NCAPG: variants seen among roughly 807,000 people sequenced by gnomAD.
NCAPG encodes condensin complex subunit 3.
Under a neutral mutation model 113.1 loss-of-function variants are expected in NCAPG, and 69 were observed. The observed-to-expected ratio is 0.61, with a 90% CI of 0.50 to 0.75. NCAPG has a LOEUF of 0.75. Among genes scored for constraint, NCAPG ranks in the 30% least tolerant of loss-of-function variants. The pLI, the probability that NCAPG is intolerant of heterozygous loss-of-function variation, is 0.00. For synonymous variants in NCAPG, 370 were observed against 415.8 expected, an observed-to-expected ratio of 0.89 and a Z score of 1.34; for missense variants, 1,058 against 1,177.0, an observed-to-expected ratio of 0.90 and a Z score of 1.48.
Position 17,843,427 on chromosome 4 carries a change from A to G in NCAPG, c.*2A>G, listed in dbSNP as rs1722624161. ...TTTCTCAATGAAGATCTAAGTTAGG[A>G]AAGACGATGGAGGTGGAATCCTTTA... On this transcript the variant is annotated 3_prime_UTR_variant, in exon 21 of 21. Transcript: ENST00000251496. The G allele has an allele frequency of 1.2e-6, 2 of 1,610,708 alleles. No homozygotes were observed. The highest frequency in any genetic ancestry group is 2.7e-5 in the African/African-American group (2 of 74,802).
intron 12 of NCAPG, among the ~76,000 whole-genome samples, chr4:17,830,486 T>C (rs1721821385): frequency 6.6e-6 from 1 of 151,838 alleles, no homozygotes; most frequent in Non-Finnish European, 1.5e-5. Context: ...ATAGTATTTA[T>C]ATTGATTAAA....
intron 11 of NCAPG, 25 bp from the exon 12 acceptor site, chr4:17,828,253 G>A (rs1721730880): frequency 6.5e-7 from 1 of 1,528,534 alleles, no homozygotes; most frequent in African/African-American, 1.4e-5. Flanking sequence ...TATTACTAAT[G>A]CTGAATATTT....
At chr4:17,843,173 T>TAAGTC (rs1553852350) in intron 20 of NCAPG, 129 bp from the exon 21 acceptor site, 1 of 1,001,870 alleles carries the variant, frequency 1.0e-6, no homozygotes, top group Non-Finnish European at 1.4e-6. Context: ...AGTTTTAAGC[T>TAAGTC]AAGTCAATGG....
chr4:17,817,141 G>T (rs1721243528), intron 5 of NCAPG, 120 bp from the exon 6 acceptor site: 1 of 674,918 alleles, frequency 1.5e-6, no homozygotes. Context: ...GCTTAGTTGT[G>T]CCTCTTAACC....
chr4:17,837,048 C>A, intron 14 of NCAPG, 111 bp from the exon 15 acceptor site: 2 of 862,600 alleles, frequency 2.3e-6, no homozygotes, highest in Non-Finnish European at 3.5e-6. Context: ...TTTGTAATAA[C>A]TCGAATGGTT....
rs1235162737 is a variant in NCAPG, at chr4:17,815,183, G to C, written c.691-91G>C. On this transcript the variant is annotated intron_variant, in intron 4 of 20. Coordinates refer to ENST00000251496, the MANE Select transcript of NCAPG (RefSeq NM_022346.5). ...TTACCAGGTATTAATTTCTTTTGGA[G>C]ATTCTGGGTAATTTTCTAAGATGGT... is the stretch of plus-strand genomic sequence containing the variant. The C allele has an allele frequency of 1.7e-5, 22 of 1,309,002 alleles. No individual in the cohort carries two copies. In the Admixed American group the frequency reaches 2.1e-4, roughly 13 times the overall value. 81.1% of individuals were successfully genotyped at this position (1,309,002 alleles called of 1,614,324 possible). A position where few individuals can be genotyped will look rare whatever the true frequency, so the allele number is the denominator to read the frequency against.
At chr4:17,832,006 G>C (rs1721886269) in intron 13 of NCAPG, among the ~76,000 whole-genome samples, 1 of 152,098 alleles carries the variant, frequency 6.6e-6, no homozygotes, top group Non-Finnish European at 1.5e-5. Flanking sequence ...GAACTCCTCA[G>C]CTTTGCTTTT....
chr4:17,817,262 T>C lies in NCAPG; in HGVS notation c.777T>C (p.Asp259=), dbSNP rs2302212. The change falls in exon 6 of 21, where the codon GAT becomes GAC. Residue 259 remains aspartate, a splice_region_variant and synonymous_variant. Coordinates refer to ENST00000251496, the MANE Select transcript of NCAPG (RefSeq NM_022346.5). ...LLQQGLNDRS[D]AVKQAMQKHL... ...CCTATGTTTCAAATGACTCAATAGA[T>C]GCTGTGAAACAAGCTATGCAGAAGC... 863,273 of 1,608,486 alleles carry C rather than the reference T, an allele frequency of 0.54. 241,327 individuals are homozygous for C. The highest frequency in any genetic ancestry group is 0.62 in the Middle Eastern group (3,741 of 6,040).
intron 11 of NCAPG, among the ~76,000 whole-genome samples, chr4:17,827,067 C>G (rs1721682182): frequency 6.6e-6 from 1 of 152,186 alleles, no homozygotes; most frequent in African/African-American, 2.4e-5. Flanking sequence ...TCACTCTGTG[C>G]TGTCTCTCCT....
intron 9 of NCAPG, 103 bp from the exon 10 acceptor site, chr4:17,824,865 T>G: frequency 1.5e-6 from 1 of 681,902 alleles, no homozygotes; most frequent in South Asian, 2.4e-5. Flanking sequence ...TTTTGCTCCA[T>G]TATTCAATAT....
At chr4:17,812,134 G>C (rs1721002713) in intron 1 of NCAPG, 87 bp from the exon 2 acceptor site, 5 of 947,054 alleles carry the variant, frequency 5.3e-6, no homozygotes, top group Non-Finnish European at 8.1e-6. Flanking sequence ...CATTATTATG[G>C]CTAGTGCTTT....
At chr4:17,815,114 G>A in intron 4 of NCAPG, 116 bp downstream of exon 4, 1 of 1,373,380 alleles carries the variant, frequency 7.3e-7, no homozygotes, top group Non-Finnish European at 1.0e-6. Flanking sequence ...AGGTTTTATG[G>A]AGAACACAGG....
chr4:17,839,995 T>G (rs1722280518), intron 17 of NCAPG, 76 bp from the exon 18 acceptor site: 3 of 1,506,946 alleles, frequency 2.0e-6, no homozygotes, highest in Non-Finnish European at 2.7e-6. Context: ...TTAAACAACT[T>G]GATATGTATT....
chr4:17,837,490 C>G lies in NCAPG; in HGVS notation c.2292-137C>G. ...ATGACAAGAACGATACAGATTTTAT[C>G]TATCTGAATTTTTGGCTCTTTCCTA... On this transcript the variant is annotated intron_variant, in intron 15 of 20. Transcript: ENST00000251496. 5.6e-6 allele frequency: 7 copies of G among 1,239,674 alleles called. No individual in the cohort carries two copies. The South Asian group carries it at 6.0e-5, about 11-fold the overall frequency. The allele number at this position is 1,239,674 out of a possible 1,614,324, so 76.8% of individuals were successfully genotyped here.
chr4:17,832,922 T>C (rs889941108), intron 13 of NCAPG, among the ~76,000 whole-genome samples: 1 of 152,202 alleles, frequency 6.6e-6, no homozygotes, highest in African/African-American at 2.4e-5. Flanking sequence ...GGATTTATAA[T>C]GGACCATTTC....
intron 1 of NCAPG, 51 bp from the exon 2 acceptor site, chr4:17,812,170 A>G (rs1471069874): frequency 7.2e-7 from 1 of 1,392,380 alleles, no homozygotes; most frequent in Non-Finnish European, 1.0e-6. Context: ...GATGTTGGGA[A>G]TAAAGGATTT....
intron 10 of NCAPG, 39 bp downstream of exon 10, chr4:17,825,096 T>C: frequency 3.4e-6 from 5 of 1,461,262 alleles, no homozygotes; most frequent in Non-Finnish European, 3.8e-6. Flanking sequence ...TTGAGTGTAA[T>C]GTAGCTGGGC....
chr4:17,841,650 C>T (rs1722418221), intron 19 of NCAPG: 1 of 151,668 alleles, frequency 6.6e-6, no homozygotes, highest in Admixed American at 6.6e-5. Flanking sequence ...TTTAATAGAC[C>T]AAACTTCATA....
chr4:17,824,831 T>C, intron 9 of NCAPG, 137 bp from the exon 10 acceptor site: 1 of 515,486 alleles, frequency 1.9e-6, no homozygotes, highest in Non-Finnish European at 3.4e-6. Context: ...GCAAACAGAA[T>C]GTGTGCTATT....
Sources: allele counts gnomAD v4.1 joint callset (sites outside exome capture counted in the v4.1 genomes callset), GRCh38; gene constraint gnomAD v4.1.1; transcripts MANE v1.5; gene names NCBI Gene and HGNC (gene_info 2026-07-23, HGNC 2026-07-21).